POLR2B: variants seen among roughly 807,000 people sequenced by gnomAD.
The protein encoded by POLR2B is DNA-directed RNA polymerase II subunit RPB2.
A neutral mutation model predicts 144.6 loss-of-function variants in POLR2B; 57 were observed. The observed-to-expected ratio is 0.39, with a 90% CI of 0.32 to 0.49. The LOEUF (loss-of-function observed/expected upper bound fraction) is 0.49. POLR2B is among the 20% of genes least tolerant of loss of function. The probability of loss-of-function intolerance (pLI) is 0.83; values close to 1 mark genes in which losing one functional copy is unlikely to be tolerated. For missense variants in POLR2B, 595 were observed against 1,467.4 expected, an observed-to-expected ratio of 0.41 and a Z score of 9.71; for synonymous variants, 442 against 469.8, an observed-to-expected ratio of 0.94 and a Z score of 0.77.
chr4:56,986,560 G>A, intron 2 of POLR2B, 134 bp downstream of exon 2: 1 of 520,716 alleles, frequency 1.9e-6, no homozygotes, highest in Non-Finnish European at 3.4e-6. Context: ...AACATTTTAA[G>A]TATTTCAGAT....
chr4:56,990,619 G>T (rs1314954251), intron 2 of POLR2B, 129 bp from the exon 3 acceptor site: 6 of 748,268 alleles, frequency 8.0e-6, no homozygotes, highest in Non-Finnish European at 1.3e-5. Flanking sequence ...TTGTTTAGTG[G>T]TTGACATATA....
At chr4:57,014,192 T>C (rs1723290016) in intron 13 of POLR2B, among the ~76,000 whole-genome samples, 1 of 152,112 alleles carries the variant, frequency 6.6e-6, no homozygotes. Flanking sequence ...AAAAACTTGA[T>C]GTTTTGTTGT....
chr4:57,028,342 C>G (rs1387013783), intron 23 of POLR2B, among the ~76,000 whole-genome samples: 3 of 152,304 alleles, frequency 2.0e-5, no homozygotes, highest in Admixed American at 6.5e-5. Flanking sequence ...CTGTGTTGCT[C>G]TGGCTGGTCT....
intron 1 of POLR2B, among the ~76,000 whole-genome samples, chr4:56,979,758 G>A (rs1722095845): frequency 1.3e-5 from 2 of 152,056 alleles, no homozygotes; most frequent in Non-Finnish European, 2.9e-5. Flanking sequence ...AATTAGCCTA[G>A]TGTGATGGCG....
chr4:56,981,586 C>A (rs1196735001), intron 1 of POLR2B, among the ~76,000 whole-genome samples: 4 of 152,188 alleles, frequency 2.6e-5, no homozygotes, highest in African/African-American at 4.8e-5. Flanking sequence ...AGCAGTGAAC[C>A]TACATTTTAT....
At chr4:56,991,796 A>G (rs1578560881) in intron 3 of POLR2B, among the ~76,000 whole-genome samples, 1 of 152,068 alleles carries the variant, frequency 6.6e-6, no homozygotes, top group Non-Finnish European at 1.5e-5. Context: ...TACAGGGTCT[A>G]TAGGTGCCCA....
At chr4:57,010,329 C>T in intron 10 of POLR2B, 32 bp from the exon 11 acceptor site, 1 of 1,605,796 alleles carries the variant, frequency 6.2e-7, no homozygotes, top group Non-Finnish European at 8.5e-7. Context: ...ACAGAAATGT[C>T]CAGACTTTAA....
At position 57,023,657 on chromosome 4, in the gene POLR2B, T is replaced by A. The variant is rs781208679; in HGVS notation, c.2767-5T>A. The A allele has an allele frequency of 6.2e-7, 1 of 1,611,520 alleles. No individual in the cohort carries two copies. Among genetic ancestry groups the A allele is most frequent in the African/African-American group, 1.3e-5 (1 of 74,944 alleles). On this transcript the variant is annotated splice_polypyrimidine_tract_variant and splice_region_variant and intron_variant, in intron 19 of 24. Transcript: ENST00000314595. The surrounding 1 kb of genome is among the most constrained non-coding windows in gnomAD (Gnocchi z 4.3). ...CTTAACTAACTTATTTTTATATGAA[T>A]TTAGGTACGCTCTGTTAGGATTCCA...
At chr4:57,021,339 C>T (rs1009071329) in intron 17 of POLR2B, among the ~76,000 whole-genome samples, 3 of 151,886 alleles carry the variant, frequency 2.0e-5, no homozygotes, top group African/African-American at 4.8e-5. Context: ...GTTTGATTGT[C>T]GACAAACAGA....
At chr4:56,981,440 A>G (rs1293059501) in intron 1 of POLR2B, among the ~76,000 whole-genome samples, 2 of 152,238 alleles carry the variant, frequency 1.3e-5, no homozygotes, top group African/African-American at 2.4e-5. Flanking sequence ...TAAAATTGTC[A>G]GGTCAAATGA....
At position 57,022,228 on chromosome 4, in the gene POLR2B, A is replaced by G. The variant is rs767322012; in HGVS notation, c.2497A>G (p.Thr833Ala). 1.7e-5 allele frequency: 27 copies of G among 1,603,510 alleles called. No homozygotes were observed. Among genetic ancestry groups the G allele is most frequent in the African/African-American group, 4.0e-5 (3 of 74,864 alleles). Reference sequence around the variant, plus strand: ...TCAAGAAGAAGTTTTTGAGAAGCCTACACGTGAAACATGCCAGGGTAAGTG... The same window carrying G: ...TCAAGAAGAAGTTTTTGAGAAGCCTGCACGTGAAACATGCCAGGGTAAGTG... ...FDQEEVFEKP[T>A]RETCQGMRHA... The change falls in exon 18 of 25, where the codon ACA becomes GCA. Residue 833 changes from threonine (T) to alanine (A), a missense_variant. Physicochemically the swap from Thr to Ala is moderately conservative, Grantham distance 58. This residue lies in a region of POLR2B where 75 missense variants were observed against 100.0 expected (regional missense o/e 0.75). Coordinates refer to ENST00000314595, the MANE Select transcript of POLR2B (RefSeq NM_000938.3).
chr4:57,030,454 C>A, intron 24 of POLR2B, 55 bp downstream of exon 24: 2 of 1,338,168 alleles, frequency 1.5e-6, no homozygotes, highest in South Asian at 1.3e-5. Flanking sequence ...CTGTGTTGGT[C>A]TGATTATCCA....
At chr4:57,008,288 T>C (rs10000395) in intron 10 of POLR2B, among the ~76,000 whole-genome samples, 94,876 of 151,156 alleles carry the variant, frequency 0.63, 29,805 homozygotes, top group East Asian at 0.7. Flanking sequence ...CTGCAAGCTC[T>C]GCCTTCTGGG....
chr4:57,021,485 CTT>C (rs34804702), intron 17 of POLR2B, among the ~76,000 whole-genome samples: 17 of 110,324 alleles, frequency 1.5e-4, no homozygotes, highest in South Asian at 3.4e-4. Flanking sequence ...AATGTAAAAA[CTT>C]TTTTTTTTTT....
At chr4:56,998,845 A>G (rs1722768429) in intron 6 of POLR2B, among the ~76,000 whole-genome samples, 1 of 152,208 alleles carries the variant, frequency 6.6e-6, no homozygotes, top group Non-Finnish European at 1.5e-5. Flanking sequence ...GTTACTGAAC[A>G]AGTCCATGAG....
intron 6 of POLR2B, among the ~76,000 whole-genome samples, chr4:56,996,530 C>T (rs996766367): frequency 5.3e-5 from 8 of 151,558 alleles, no homozygotes; most frequent in African/African-American, 1.5e-4. Flanking sequence ...GTGATCCGCC[C>T]GCCTCGGCCT....
chr4:56,992,494 A>AT (rs1210243974), intron 3 of POLR2B, among the ~76,000 whole-genome samples: 1 of 130,908 alleles, frequency 7.6e-6, no homozygotes, highest in East Asian at 2.5e-4. Context: ...AAAAAAAAAG[A>AT]AAAGAAAATA....
chr4:57,011,069 TGA>T lies in POLR2B; in HGVS notation c.1772_1773del (p.Arg591ThrfsTer9). The T allele has an allele frequency of 6.2e-7, 1 of 1,612,388 alleles. No homozygotes were observed. Among genetic ancestry groups the T allele is most frequent in the Non-Finnish European group, 8.5e-7 (1 of 1,178,348 alleles). On this transcript the variant is annotated frameshift_variant, in exon 13 of 25. Transcript: ENST00000314595. LOFTEE classifies it high-confidence loss of function. ...CAACTTATGAACACCCTAAGGAAAT[TGA>T]GACGTCAGATGGACATCATTGTGTC...
chr4:57,029,929 AG>A lies in POLR2B; in HGVS notation c.3240-273del, dbSNP rs1204879987. Among the ~76,000 whole-genome samples, 7 of 152,172 alleles carry A rather than the reference AG, an allele frequency of 4.6e-5. No individual in the cohort carries two copies. In the East Asian group the frequency reaches 1.4e-3, roughly 29 times the overall value. On this transcript the variant is annotated intron_variant, in intron 23 of 24. Transcript: ENST00000314595. ...GAGATGGGGTCTCGCCATGTTGCCC[AG>A]GCTCCTGAGCTCAAGAGATCCACCC...
Sources: allele counts gnomAD v4.1 joint callset (sites outside exome capture counted in the v4.1 genomes callset), GRCh38; gene constraint gnomAD v4.1.1; regional missense constraint gnomAD v4.1.1; non-coding constraint Gnocchi (gnomAD v3.1); transcripts MANE v1.5; gene names NCBI Gene and HGNC (gene_info 2026-07-23, HGNC 2026-07-21).